The following BCOR variants were observed in gnomAD, a reference collection of about 807,000 sequenced individuals.
BCOR encodes the protein BCL6 corepressor.
In BCOR, 10 loss-of-function variants were observed where a neutral mutation model predicts 86.7. The observed-to-expected ratio is 0.12, with a 90% CI of 0.07 to 0.20. BCOR has a LOEUF of 0.20. Ranked by LOEUF, BCOR falls within the 10% of genes least tolerant of loss-of-function variation. The pLI, the probability that BCOR is intolerant of heterozygous loss-of-function variation, is 1.00. For missense variants in BCOR, 1,259 were observed against 1,452.1 expected, an observed-to-expected ratio of 0.87 and a Z score of 2.16; for synonymous variants, 611 against 609.0, an observed-to-expected ratio of 1.00 and a Z score of -0.05.
chrX:40,137,548 A>AAAAATAAAATAAAATAAAATAAAAT (rs11272476), intron 1 of BCOR, among the ~76,000 whole-genome samples: 2,314 of 93,719 alleles, frequency 0.025, 65 homozygotes, highest in African/African-American at 0.068. Flanking sequence ...ACTCCATCTC[A>AAAAATAAAATAAAATAAAATAAAAT]AAAATAAAAT....
chrX:40,129,100 C>T (rs1374750503), intron 1 of BCOR, among the ~76,000 whole-genome samples: 1 of 111,611 alleles, frequency 9.0e-6, no homozygotes, highest in Admixed American at 9.6e-5. Context: ...TGGGCATAGA[C>T]TCCCAAATGG....
At chrX:40,163,192 T>C (rs192139754) in intron 1 of BCOR, among the ~76,000 whole-genome samples, 170 of 110,837 alleles carry the variant, frequency 1.5e-3, no homozygotes, top group African/African-American at 5.5e-3. Flanking sequence ...GATGAAGGGT[T>C]ACTAGATCTT....
intron 1 of BCOR, among the ~76,000 whole-genome samples, chrX:40,172,698 C>T (rs1938654518): frequency 8.8e-6 from 1 of 113,057 alleles, no homozygotes; most frequent in African/African-American, 3.2e-5. Flanking sequence ...CTCGGGCTGG[C>T]GGGACAAGCG....
At position 40,072,747 on chromosome X, in the gene BCOR, C is replaced by G. The variant is rs1935539920; in HGVS notation, c.2599G>C (p.Glu867Gln). The change falls in exon 4 of 15, where the codon GAA becomes CAA. Residue 867 changes from glutamate (E) to glutamine (Q), a missense_variant. Around this residue, in one of 7 missense-constraint regions of BCOR, gnomAD observed 534 missense variants for 594.8 expected, o/e 0.90. Transcript: ENST00000378444. ...EELGRISDFH[E>Q]TYTFKQPVFT... ...ACTGGCTGTTTGAAAGTATAAGTTT[C>G]GTGGAAGTCACTGATGCGCCCCAAC... 8.3e-7 allele frequency: 1 copy of G among 1,211,794 alleles called. No individual in the cohort carries two copies.
rs758078994 is a variant in BCOR at position 40,064,428 on chromosome X, T to C, written c.3410A>G (p.Lys1137Arg). ...AGTGTGGCTGCTGTCACCTGAGACT[T>C]TGCGTTTCCTGTCCACCCGGAGGGT... ...SPTLRVDRKR[K>R]VSGDSSHTET... Residue 1137 changes from lysine (K) to arginine (R), a missense_variant, in exon 7 of 15, where the codon AAA becomes AGA. This residue lies in a region of BCOR where 305 missense variants were observed against 286.1 expected (regional missense o/e 1.07). Coordinates refer to ENST00000378444, the MANE Select transcript of BCOR (RefSeq NM_001123385.2). 6 of 1,210,998 alleles carry C rather than the reference T, an allele frequency of 5.0e-6. No individual in the cohort carries two copies. In the East Asian group the frequency reaches 1.8e-4, roughly 36 times the overall value.
rs1407309222 is a variant in BCOR, at chrX:40,159,152, C to A, written c.-41+17855G>T. 6.3e-5 allele frequency among the ~76,000 whole-genome samples: 7 copies of A among 111,889 alleles called. No homozygotes were observed. The Admixed American group carries it at 6.6e-4, about 11-fold the overall frequency. On this transcript the variant is annotated intron_variant, in intron 1 of 14. Coordinates refer to the BCOR transcript ENST00000342274. ...TTCCCGGGGCTAACAGTCATTACTT[C>A]TGAAAAGTTGTTGTTTAGGAAAAAT... is the stretch of plus-strand genomic sequence containing the variant.
intron 1 of BCOR, among the ~76,000 whole-genome samples, chrX:40,108,390 C>T (rs1008098761): frequency 1.8e-5 from 2 of 113,425 alleles, no homozygotes; most frequent in African/African-American, 3.2e-5. Context: ...GGGAGGGCGC[C>T]GGCCGCGCGG....
At chrX:40,143,625 A>G (rs1020993534) in intron 1 of BCOR, among the ~76,000 whole-genome samples, 1 of 112,978 alleles carries the variant, frequency 8.9e-6, no homozygotes, top group Non-Finnish European at 1.9e-5. Flanking sequence ...AACAAAAGCC[A>G]AAGAGGGGAT....
chrX:40,078,882 A>C (rs1380928368), intron 1 of BCOR, among the ~76,000 whole-genome samples: 2 of 92,685 alleles, frequency 2.2e-5, no homozygotes, highest in Non-Finnish European at 4.1e-5. Flanking sequence ...AGTTTGCTGC[A>C]TGAGTGAAGG....
At position 40,062,283 on chromosome X, in the gene BCOR, G is replaced by A. The variant is rs2147009398; in HGVS notation, c.4284C>T (p.Ala1428=). ...PFDRLQQLLP[A]SQSTQLPCSS... Reference sequence around the variant, plus strand: ...AGCATGGCAGCTGTGTGGACTGGGAGGCTGGTAGCAGTTGCTGCAAGCGGT... The same window carrying A: ...AGCATGGCAGCTGTGTGGACTGGGAAGCTGGTAGCAGTTGCTGCAAGCGGT... Residue 1428 remains alanine (A), a synonymous_variant, in exon 10 of 15, where the codon GCC becomes GCT. Coordinates refer to ENST00000378444, the MANE Select transcript of BCOR (RefSeq NM_001123385.2). 10 of 1,211,058 alleles carry A rather than the reference G, an allele frequency of 8.3e-6. No individual in the cohort carries two copies. The highest frequency in any genetic ancestry group is 1.1e-5 in the Non-Finnish European group (10 of 895,165).
chrX:40,148,873 C>A (rs1382650477), intron 1 of BCOR, among the ~76,000 whole-genome samples: 1 of 111,028 alleles, frequency 9.0e-6, no homozygotes, highest in African/African-American at 3.3e-5. Context: ...GGGTTTCCTG[C>A]CCCAAAGTTA....
chrX:40,061,991 G>A, intron 10 of BCOR, 148 bp downstream of exon 10: 1 of 733,631 alleles, frequency 1.4e-6, no homozygotes, highest in Non-Finnish European at 2.0e-6. Context: ...TGAGAGTGGG[G>A]CTAACACAAA....
chrX:40,096,690 C>T (rs952361145), intron 1 of BCOR, among the ~76,000 whole-genome samples: 3 of 112,182 alleles, frequency 2.7e-5, no homozygotes, highest in Non-Finnish European at 5.7e-5. Flanking sequence ...GACCGGCCCC[C>T]GGAGAGGCGA....
rs1935726483 is a variant in BCOR at position 40,075,027 on chromosome X, T to C, written c.319A>G (p.Ser107Gly). Reference sequence around the variant, plus strand: ...GAAAACCCAAGGCCACCTAGAGTGCTTGTGGCAGCCTCCCGACCTTTCTCT... The same window carrying C: ...GAAAACCCAAGGCCACCTAGAGTGCCTGTGGCAGCCTCCCGACCTTTCTCT... ...GSEKGREAAT[S>G]TLGGLGFSSE... Residue 107 changes from serine (S) to glycine (G), a missense_variant, in exon 4 of 15, where the codon AGC (serine) becomes GGC (glycine). Physicochemically the swap from Ser to Gly is moderately conservative, Grantham distance 56 (BLOSUM62 0). Coordinates refer to ENST00000378444, the MANE Select transcript of BCOR (RefSeq NM_001123385.2). 2.5e-6 allele frequency: 3 copies of C among 1,206,646 alleles called. No homozygotes were observed. The East Asian group carries it at 8.9e-5, about 36-fold the overall frequency.
intron 1 of BCOR, among the ~76,000 whole-genome samples, chrX:40,083,601 C>A (rs1462194069): frequency 8.9e-6 from 1 of 111,823 alleles, no homozygotes. Context: ...GGCGCCCCCT[C>A]CCCGGGCTGA....
rs372910732 is a variant in BCOR at position 40,073,332 on chromosome X, A to C, written c.2014T>G (p.Ser672Ala). ...TAGACAGGTCCTTTGCCATGTAAGG[A>C]GAGGGGACTTACAGCAATGCCCTCA... ...APEGIAVSPLSLHGKGPVYPH... is the reference protein window; with the variant it reads ...APEGIAVSPLALHGKGPVYPH... The change falls in exon 4 of 15, where the codon TCC (serine) becomes GCC (alanine). Residue 672 changes from serine to alanine, a missense_variant. Ser to Ala is a moderately conservative substitution (Grantham distance 99, BLOSUM62 1). Transcript: ENST00000378444. The C allele has an allele frequency of 6.5e-5, 79 of 1,209,665 alleles. No homozygotes were observed. The highest frequency in any genetic ancestry group is 8.4e-5 in the Non-Finnish European group (75 of 894,555).
rs886399455 is a variant in BCOR at position 40,140,561 on chromosome X, A to G, written c.-41+36446T>C. Among the ~76,000 whole-genome samples the G allele has an allele frequency of 5.3e-5, 6 of 112,693 alleles. No individual in the cohort carries two copies. The Admixed American group carries it at 5.6e-4, about 11-fold the overall frequency. ...TTCTCCTGGTTTTAGTGTAAGCACA[A>G]TGAAGTTTTCAGCTCCATGGGGCTT... On this transcript the variant is annotated intron_variant, in intron 1 of 14. Coordinates refer to the BCOR transcript ENST00000342274.
At chrX:40,091,461 A>C (rs1428857899) in intron 1 of BCOR, among the ~76,000 whole-genome samples, 1 of 112,592 alleles carries the variant, frequency 8.9e-6, no homozygotes, top group Non-Finnish European at 1.9e-5. Flanking sequence ...ACACAGCTCT[A>C]AAACAATGAC....
rs1349580141 is a variant in BCOR, at chrX:40,111,407, T to TACC, written c.-40-33441_-40-33439dup. 1.3e-4 allele frequency among the ~76,000 whole-genome samples: 15 copies of TACC among 112,367 alleles called. No individual in the cohort carries two copies. The South Asian group carries it at 3.0e-3, about 22-fold the overall frequency. ...CATCCATGTGGAATTTCTGCAGGCTTACCTCATGTTCACTCTAAAAATCAG... is the reference window on the plus strand; with the variant it reads ...CATCCATGTGGAATTTCTGCAGGCTTACCACCTCATGTTCACTCTAAAAATCAG... On this transcript the variant is annotated intron_variant, in intron 1 of 14. Coordinates refer to the BCOR transcript ENST00000342274.
Sources: gnomAD v4.1 joint callset for allele counts (sites outside exome capture counted in the v4.1 genomes callset) on GRCh38, gnomAD v4.1.1 for gene constraint, gnomAD v4.1.1 regional missense constraint, MANE v1.5 for transcripts, NCBI Gene and HGNC (gene_info 2026-07-23, HGNC 2026-07-21) for gene names.